The following USP48 variants were observed in gnomAD, a reference collection of about 807,000 sequenced individuals.
USP48 encodes the protein ubiquitin specific peptidase 48.
Under a neutral mutation model 150.7 loss-of-function variants are expected in USP48, and 43 were observed. That is an observed-to-expected ratio of 0.29 (90% confidence interval 0.22 to 0.37). The LOEUF is 0.37. USP48 is among the 10% of genes least tolerant of loss of function. The pLI is 1.00. For missense variants in USP48, 813 were observed against 1,249.6 expected, an observed-to-expected ratio of 0.65 and a Z score of 5.27; for synonymous variants, 396 against 425.9, an observed-to-expected ratio of 0.93 and a Z score of 0.86.
intron 24 of USP48, among the ~76,000 whole-genome samples, chr1:21,687,452 C>A (rs1483271672): frequency 1.3e-5 from 2 of 152,156 alleles, no homozygotes; most frequent in Non-Finnish European, 2.9e-5. Context: ...AAGTGGTATA[C>A]TGTGTGTGTG....
Position 21,705,729 on chromosome 1 carries a change from T to A in USP48, c.2382A>T (p.Lys794Asn), listed in dbSNP as rs2097670340. 5 of 1,592,764 alleles carry A rather than the reference T, an allele frequency of 3.1e-6. No individual in the cohort carries two copies. Among genetic ancestry groups the A allele is most frequent in the Non-Finnish European group, 4.3e-6 (5 of 1,173,056 alleles). The change falls in exon 19 of 27, where the codon AAA (lysine) becomes AAT (asparagine). Residue 794 changes from lysine (K) to asparagine (N), a missense_variant and splice_region_variant. Physicochemically the swap from Lys to Asn is moderately conservative, Grantham distance 94. Transcript: ENST00000308271. ...TFASMTKEDSKLIALIWPSEW... is the reference protein window; with the variant it reads ...TFASMTKEDSNLIALIWPSEW... The stretch of plus-strand genomic sequence containing the variant: ...TCACATGAAGAGAAGGAACTCACAG[T>A]TTAGAATCTTCTTTGGTCATGGAAG...
intron 5 of USP48, among the ~76,000 whole-genome samples, chr1:21,751,940 C>G (rs1181454804): frequency 2.0e-5 from 3 of 150,142 alleles, no homozygotes; most frequent in African/African-American, 7.4e-5. Context: ...ATCGCTTGAA[C>G]CTGGGAGGCA....
chr1:21,710,414 A>G (rs940878401), intron 15 of USP48, among the ~76,000 whole-genome samples: 1 of 152,202 alleles, frequency 6.6e-6, no homozygotes, highest in African/African-American at 2.4e-5. Context: ...TTTCAAAATA[A>G]CAAAACAAAA....
intron 3 of USP48, among the ~76,000 whole-genome samples, chr1:21,755,086 T>G (rs752191604): frequency 6.6e-6 from 1 of 152,224 alleles, no homozygotes; most frequent in African/African-American, 2.4e-5. Context: ...CTCATTTCTC[T>G]AATTAATTCT....
intron 1 of USP48, among the ~76,000 whole-genome samples, chr1:21,773,254 CAAAAAAAA>C (rs60704662): frequency 1.5e-5 from 1 of 66,170 alleles, no homozygotes; most frequent in Non-Finnish European, 3.1e-5. Context: ...GACTCGGTCT[CAAAAAAAA>C]AAAAAAAAAA....
rs532113828 is a variant in USP48 at position 21,685,197 on chromosome 1, A to G, written c.3058+1994T>C. ...ACAGGATATCTTTCCATTTGTTTGC[A>G]TCTTTCAATTTCTTACATTAGTGTT... On this transcript the variant is annotated intron_variant, in intron 25 of 26. Transcript: ENST00000308271. 2.6e-5 allele frequency among the ~76,000 whole-genome samples: 4 copies of G among 152,216 alleles called. No homozygotes were observed. The South Asian group carries it at 8.3e-4, about 32-fold the overall frequency.
chr1:21,715,351 G>A (rs746251888), intron 15 of USP48, 38 bp downstream of exon 15: 14 of 1,499,940 alleles, frequency 9.3e-6, no homozygotes, highest in Non-Finnish European at 1.2e-5. Context: ...GTAAAAAAAA[G>A]GACAATAAAA....
In USP48 at chr1:21,756,326, C is replaced by T. The variant is rs576898673; in HGVS notation, c.412+220G>A. 2.2e-4 allele frequency among the ~76,000 whole-genome samples: 32 copies of T among 146,232 alleles called. No individual in the cohort carries two copies. The East Asian group carries it at 3.5e-3, about 16-fold the overall frequency. ...TGAAACGCTGTCTCTACTAAAAATACAAAAACTAGCCAGGCGTGGTGGCGG... is the reference window on the plus strand; with the variant it reads ...TGAAACGCTGTCTCTACTAAAAATATAAAAACTAGCCAGGCGTGGTGGCGG... On this transcript the variant is annotated intron_variant, in intron 3 of 26. Coordinates refer to ENST00000308271, the MANE Select transcript of USP48 (RefSeq NM_032236.8).
At chr1:21,711,756 G>A (rs2097690780) in intron 15 of USP48, among the ~76,000 whole-genome samples, 1 of 152,120 alleles carries the variant, frequency 6.6e-6, no homozygotes, top group Non-Finnish European at 1.5e-5. Context: ...AGAGTGCCTA[G>A]CATAATAAAT....
intron 1 of USP48, among the ~76,000 whole-genome samples, chr1:21,774,944 T>G (rs2097893758): frequency 6.7e-6 from 1 of 150,142 alleles, no homozygotes; most frequent in African/African-American, 2.4e-5. Context: ...GTGAGCCAAA[T>G]TCACGCACTG....
At chr1:21,680,266 G>A (rs1400085416) in intron 26 of USP48, among the ~76,000 whole-genome samples, 1 of 152,230 alleles carries the variant, frequency 6.6e-6, no homozygotes, top group Non-Finnish European at 1.5e-5. Context: ...GTCTGTATTT[G>A]ATGACTTCTT....
chr1:21,716,383 G>A (rs1298517006), intron 14 of USP48, among the ~76,000 whole-genome samples: 4 of 152,198 alleles, frequency 2.6e-5, no homozygotes, highest in Non-Finnish European at 5.9e-5. Context: ...GCACAGATAA[G>A]CTGGACACAG....
intron 11 of USP48, among the ~76,000 whole-genome samples, chr1:21,726,870 A>C (rs1258030501): frequency 6.6e-6 from 1 of 152,160 alleles, no homozygotes; most frequent in African/African-American, 2.4e-5. Flanking sequence ...ATACCGGACT[A>C]TATGAAACCT....
intron 16 of USP48, 44 bp downstream of exon 16, chr1:21,706,700 G>A: frequency 6.2e-7 from 1 of 1,609,994 alleles, no homozygotes; most frequent in Non-Finnish European, 8.5e-7. Flanking sequence ...GTCAACCCAG[G>A]GAGGTGGCAT....
chr1:21,750,712 A>G (rs909097633), intron 6 of USP48, among the ~76,000 whole-genome samples: 1 of 150,616 alleles, frequency 6.6e-6, no homozygotes, highest in African/African-American at 2.4e-5. Context: ...GTTTCTACTA[A>G]AAATACACAC....
chr1:21,747,967 TTA>T (rs1210028861), intron 7 of USP48, among the ~76,000 whole-genome samples, 169 bp downstream of exon 7: 2 of 152,256 alleles, frequency 1.3e-5, no homozygotes, highest in Non-Finnish European at 2.9e-5. Flanking sequence ...TTAAAATTTT[TTA>T]TGATAAAATC....
In USP48 at chr1:21,715,541, T is replaced by C. The variant is rs577498950; in HGVS notation, c.1895-84A>G. ...GTAGCAGATATACTACTCTGCACAATTTGGAACAAAGAAAACTTTAAAACT... is the reference window on the plus strand; with the variant it reads ...GTAGCAGATATACTACTCTGCACAACTTGGAACAAAGAAAACTTTAAAACT... On this transcript the variant is annotated intron_variant, in intron 14 of 26. Coordinates refer to ENST00000308271, the MANE Select transcript of USP48 (RefSeq NM_032236.8). 149 of 793,124 alleles carry C rather than the reference T, an allele frequency of 1.9e-4. 1 individual carries two copies. In the South Asian group the frequency reaches 2.7e-3, roughly 15 times the overall value. The allele number at this position is 793,124 out of a possible 1,614,324, so 49.1% of individuals were successfully genotyped here.
chr1:21,757,983 A>G (rs1424019814), intron 1 of USP48, among the ~76,000 whole-genome samples, 200 bp from the exon 2 acceptor site: 1 of 152,160 alleles, frequency 6.6e-6, no homozygotes, highest in Non-Finnish European at 1.5e-5. Context: ...ACAAAACTAC[A>G]TAGACAACTA....
intron 1 of USP48, among the ~76,000 whole-genome samples, chr1:21,777,526 G>A (rs1465108039): frequency 6.6e-6 from 1 of 151,966 alleles, no homozygotes; most frequent in Non-Finnish European, 1.5e-5. Context: ...AAATTAGCTG[G>A]GTGTGGTGGT....
Sources: gnomAD v4.1 joint callset for allele counts (sites outside exome capture counted in the v4.1 genomes callset) on GRCh38, gnomAD v4.1.1 for gene constraint, MANE v1.5 for transcripts, NCBI Gene and HGNC (gene_info 2026-07-23, HGNC 2026-07-21) for gene names.